The following SLC25A46 variants were observed in gnomAD, a reference collection of about 807,000 sequenced individuals.
SLC25A46 encodes the protein mitochondrial outer membrane protein SLC25A46.
SLC25A46 carries 39 observed loss-of-function variants against 44.6 expected under a neutral mutation model. That is an observed-to-expected ratio of 0.87 (90% CI 0.68 to 1.14). The LOEUF is 1.14. SLC25A46 is among the 50% of genes most tolerant of loss of function. SLC25A46 has a pLI of 0.00. For missense variants in SLC25A46, 547 were observed against 522.7 expected, an observed-to-expected ratio of 1.05 and a Z score of -0.45; for synonymous variants, 202 against 185.8, an observed-to-expected ratio of 1.09 and a Z score of -0.71.
chr5:110,752,425 G>C (rs1385600264), intron 5 of SLC25A46, among the ~76,000 whole-genome samples: 1 of 152,058 alleles, frequency 6.6e-6, no homozygotes, highest in Non-Finnish European at 1.5e-5. Flanking sequence ...TTTTCAGACT[G>C]TTAACGCGAG....
intron 4 of SLC25A46, among the ~76,000 whole-genome samples, chr5:110,747,200 G>A (rs1381310890): frequency 2.0e-5 from 3 of 152,072 alleles, no homozygotes; most frequent in Non-Finnish European, 4.4e-5. Context: ...TAATAGACTG[G>A]AAATGATTAA....
chr5:110,756,806 T>C, intron 7 of SLC25A46, 47 bp downstream of exon 7: 1 of 1,369,820 alleles, frequency 7.3e-7, no homozygotes, highest in African/African-American at 1.5e-5. Flanking sequence ...AGAATAGTTT[T>C]TTGACTATTC....
chr5:110,741,192 C>G (rs1212385648), intron 1 of SLC25A46, among the ~76,000 whole-genome samples: 1 of 152,064 alleles, frequency 6.6e-6, no homozygotes, highest in East Asian at 1.9e-4. Context: ...ATGTCTGGTC[C>G]CCTGGGGTTG....
rs528727796 is a variant in SLC25A46 at position 110,741,075 on chromosome 5, G to C, written c.284-972G>C. 7.2e-5 allele frequency among the ~76,000 whole-genome samples: 11 copies of C among 152,262 alleles called. No homozygotes were observed. In the South Asian group the frequency reaches 2.1e-3, roughly 29 times the overall value. ...TAATTTCCCAGGAACATGCTTAGGT[G>C]GCCTTGTTCTGATTGAAAGGGAATA... On this transcript the variant is annotated intron_variant, in intron 1 of 7. Coordinates refer to ENST00000355943, the MANE Select transcript of SLC25A46 (RefSeq NM_138773.4).
chr5:110,753,752 T>C (rs1800031187), intron 5 of SLC25A46: 1 of 152,106 alleles, frequency 6.6e-6, no homozygotes, highest in African/African-American at 2.4e-5. Flanking sequence ...ATCTTAAGAA[T>C]TGGCAGTAGT....
Position 110,762,343 on chromosome 5 carries a change from A to T in SLC25A46, c.*561A>T, listed in dbSNP as rs954304020. ...TGCATTGTCCCTATGTAACTATCTT[A>T]ATGGCTATATATATGTATTTTATAA... On this transcript the variant is annotated 3_prime_UTR_variant, in exon 8 of 8. Transcript: ENST00000355943. 4 of 152,436 alleles carry T rather than the reference A, an allele frequency of 2.6e-5. No individual in the cohort carries two copies. The highest frequency in any genetic ancestry group is 9.7e-5 in the African/African-American group (4 of 41,382). The allele number at this position is 152,436 out of a possible 1,614,324, so 9.4% of individuals were successfully genotyped here. A position where few individuals can be genotyped will look rare whatever the true frequency, so the allele number is the denominator to read the frequency against.
chr5:110,764,809 TTATA>T lies in SLC25A46; in HGVS notation c.*3030_*3033del, dbSNP rs1800348657. ...GCCAGGTTTGAATTATTTGCAAAAT[TTATA>T]TAAGCAAATAAGATCTCTTGGTAAC... On this transcript the variant is annotated 3_prime_UTR_variant, in exon 8 of 8. Transcript: ENST00000355943. The T allele has an allele frequency of 6.6e-6, 1 of 151,966 alleles. No homozygotes were observed. Among genetic ancestry groups the T allele is most frequent in the Non-Finnish European group, 1.5e-5 (1 of 67,928 alleles). The allele number at this position is 151,966 out of a possible 1,614,324, so 9.4% of individuals were successfully genotyped here. A position where few individuals can be genotyped will look rare whatever the true frequency, so the allele number is the denominator to read the frequency against.
At position 110,761,985 on chromosome 5, in the gene SLC25A46, T is replaced by G. The variant is rs1800266488; in HGVS notation, c.*203T>G. On this transcript the variant is annotated 3_prime_UTR_variant, in exon 8 of 8. Coordinates refer to ENST00000355943, the MANE Select transcript of SLC25A46 (RefSeq NM_138773.4). This position sits in a 1 kb window ranked among gnomAD's most constrained non-coding sequence, Gnocchi z 5.3. Reference sequence around the variant, plus strand: ...TCAAAATCCTTCCAAATTTGAAAACTCAATAAAAATAACACTTATTAAATT... The same window carrying G: ...TCAAAATCCTTCCAAATTTGAAAACGCAATAAAAATAACACTTATTAAATT... 1 of 498,632 alleles carries G rather than the reference T, an allele frequency of 2.0e-6. No homozygotes were observed. Among genetic ancestry groups the G allele is most frequent in the South Asian group, 2.8e-5 (1 of 35,312 alleles). 30.9% of individuals were successfully genotyped at this position (498,632 alleles called of 1,614,324 possible).
intron 6 of SLC25A46, 60 bp from the exon 7 acceptor site, chr5:110,756,642 A>G (rs1800119889): frequency 8.4e-7 from 1 of 1,183,910 alleles, no homozygotes; most frequent in Non-Finnish European, 1.2e-6. Flanking sequence ...GCAGATATTA[A>G]AAAATTTAGT....
intron 7 of SLC25A46, among the ~76,000 whole-genome samples, chr5:110,759,315 T>A (rs1800188031): frequency 6.6e-6 from 1 of 152,096 alleles, no homozygotes; most frequent in Non-Finnish European, 1.5e-5. Context: ...GAAGGTGACA[T>A]TTGTGTAAAG....
At chr5:110,743,695 G>A (rs774599614) in intron 2 of SLC25A46, 35 bp from the exon 3 acceptor site, 3 of 1,275,122 alleles carry the variant, frequency 2.4e-6, no homozygotes, top group Non-Finnish European at 3.3e-6. Context: ...TTATCTCTAT[G>A]TAGACATACA....
At chr5:110,741,304 A>G (rs1331067134) in intron 1 of SLC25A46, among the ~76,000 whole-genome samples, 3 of 152,228 alleles carry the variant, frequency 2.0e-5, no homozygotes, top group Admixed American at 6.5e-5. Context: ...TTCCAGTAAC[A>G]TAACAGACAT....
Position 110,761,715 on chromosome 5 carries a change from C to T in SLC25A46, c.1190C>T (p.Thr397Ile). The T allele has an allele frequency of 6.2e-7, 1 of 1,613,198 alleles. No individual in the cohort carries two copies. ...KGFGAVIIQY[T>I]LHAAVLQITK... ...TTTGGTGCTGTTATAATACAGTACA[C>T]ACTGCATGCAGCTGTTTTACAGATT... Residue 397 changes from threonine (T) to isoleucine (I), a missense_variant, in exon 8 of 8, where the codon ACA becomes ATA. Transcript: ENST00000355943. The surrounding 1 kb of genome is among the most constrained non-coding windows in gnomAD (Gnocchi z 5.3).
chr5:110,746,699 A>G (rs1799828151), intron 4 of SLC25A46, among the ~76,000 whole-genome samples: 1 of 152,216 alleles, frequency 6.6e-6, no homozygotes, highest in South Asian at 2.1e-4. Context: ...ACCTTATCAA[A>G]ACTGGGCTTG....
upstream of SLC25A46, chr5:110,738,712 G>A (rs927996468): frequency 1.7e-5 from 4 of 234,214 alleles, no homozygotes; most frequent in Non-Finnish European, 3.3e-5. Context: ...ATTTCTGGCC[G>A]GGATCTCACC....
chr5:110,756,743 T>C lies in SLC25A46; in HGVS notation c.662T>C (p.Leu221Pro). 1 of 1,564,778 alleles carries C rather than the reference T, an allele frequency of 6.4e-7. No homozygotes were observed. Residue 221 changes from leucine (L) to proline (P), a missense_variant, in exon 7 of 8, where the codon CTG becomes CCG. Leu to Pro is a moderately conservative substitution (Grantham distance 98). Coordinates refer to ENST00000355943, the MANE Select transcript of SLC25A46 (RefSeq NM_138773.4). ...VVAMPFYSASLIETVQSEIIR... is the reference protein window; with the variant it reads ...VVAMPFYSASPIETVQSEIIR... ...GCAATGCCTTTTTATTCAGCAAGTC[T>C]GATTGAAACAGTGCAGGTGAGCTTT...
chr5:110,743,198 A>G lies in SLC25A46; in HGVS notation c.327-532A>G, dbSNP rs186912423. On this transcript the variant is annotated intron_variant, in intron 2 of 7. Coordinates refer to ENST00000355943, the MANE Select transcript of SLC25A46 (RefSeq NM_138773.4). Reference sequence around the variant, plus strand: ...CATTCTCAAAATAAATATTTGATACATAAATATTAGTCAATTAACATGGTC... The same window carrying G: ...CATTCTCAAAATAAATATTTGATACGTAAATATTAGTCAATTAACATGGTC... Among the ~76,000 whole-genome samples the G allele has an allele frequency of 8.5e-4, 129 of 152,216 alleles. 1 individual carries two copies. Among genetic ancestry groups the G allele is most frequent in the African/African-American group, 3.0e-3 (126 of 41,574 alleles).
chr5:110,742,082 C>A lies in SLC25A46; in HGVS notation c.319C>A (p.Leu107Ile). ...TAGATTTGCTGGATTTGGTATTGGA[C>A]TTGCAAGGTAATGTTTTATCTAAAG... ...LNRFAGFGIG[L>I]ASLFTENVLA... is the part of the protein sequence containing the mutation. Residue 107 changes from leucine to isoleucine, a missense_variant, in exon 2 of 8, where the codon CTT becomes ATT. Transcript: ENST00000355943. 6.4e-7 allele frequency: 1 copy of A among 1,570,090 alleles called. No individual in the cohort carries two copies. Among genetic ancestry groups the A allele is most frequent in the Non-Finnish European group, 8.6e-7 (1 of 1,157,936 alleles).
chr5:110,757,246 A>G (rs1800139865), intron 7 of SLC25A46, among the ~76,000 whole-genome samples: 1 of 152,130 alleles, frequency 6.6e-6, no homozygotes, highest in Non-Finnish European at 1.5e-5. Context: ...TGTGGTAAAT[A>G]CTACAAAGCT....
Sources: gnomAD v4.1 joint callset for allele counts (sites outside exome capture counted in the v4.1 genomes callset) on GRCh38, gnomAD v4.1.1 for gene constraint, Gnocchi (gnomAD v3.1) non-coding constraint, MANE v1.5 for transcripts, NCBI Gene and HGNC (gene_info 2026-07-23, HGNC 2026-07-21) for gene names.